The following NOTCH4 variants were observed in gnomAD, a reference collection of about 807,000 sequenced individuals.
NOTCH4 encodes notch receptor 4.
In NOTCH4, 138 loss-of-function variants were observed where a neutral mutation model predicts 189.0. The observed-to-expected ratio is 0.73, with a 90% CI of 0.64 to 0.84. The LOEUF (loss-of-function observed/expected upper bound fraction) is 0.84, where lower values mean the gene tolerates loss of function less well. Ranked by LOEUF, NOTCH4 falls within the 40% of genes least tolerant of loss-of-function variation. The probability of loss-of-function intolerance (pLI) is 0.00; values close to 1 mark genes in which losing one functional copy is unlikely to be tolerated. For missense variants in NOTCH4, 2,286 were observed against 2,605.4 expected, an observed-to-expected ratio of 0.88 and a Z score of 2.67; for synonymous variants, 942 against 1,032.8, an observed-to-expected ratio of 0.91 and a Z score of 1.69.
chr6:32,197,205 C>T, intron 27 of NOTCH4, 94 bp downstream of exon 27: 1 of 1,513,500 alleles, frequency 6.6e-7, no homozygotes, highest in Non-Finnish European at 8.9e-7. Context: ...CCAATCACAC[C>T]AATTTCCTCC....
chr6:32,196,046 T>A lies in NOTCH4; in HGVS notation c.5403A>T (p.Leu1801=). Residue 1801 remains leucine (L), a synonymous_variant, in exon 30 of 30, where the codon CTA becomes CTT. Transcript: ENST00000375023. ...GTTGGTGAGCGACGTCCGCCGGCGC[T>A]AGCCCAGCCTGGTCCCGCAGCTCTC... ...AARELRDQAG[L]APADVAHQRN... 6.3e-7 allele frequency: 1 copy of A among 1,594,738 alleles called. No homozygotes were observed. The highest frequency in any genetic ancestry group is 8.5e-7 in the Non-Finnish European group (1 of 1,177,304).
At chr6:32,219,065 G>A (rs1467504294) in intron 8 of NOTCH4, among the ~76,000 whole-genome samples, 5 of 152,162 alleles carry the variant, frequency 3.3e-5, no homozygotes, top group African/African-American at 7.2e-5. Context: ...CTCTGTTGCT[G>A]TCTCCCTGGG....
chr6:32,200,769 G>A lies in NOTCH4; in HGVS notation c.4315+62C>T. On this transcript the variant is annotated intron_variant, in intron 23 of 29. Transcript: ENST00000375023. This position sits in a 1 kb window ranked among gnomAD's most constrained non-coding sequence, Gnocchi z 5.0. The stretch of plus-strand genomic sequence containing the variant: ...CTGTTTGATTCAGCCTCCATTGCCT[G>A]TTGCTAGCATGAGAGCTGGCCTGGG... 2.1e-6 allele frequency: 3 copies of A among 1,397,864 alleles called. No individual in the cohort carries two copies. Among genetic ancestry groups the A allele is most frequent in the Admixed American group, 2.5e-5 (1 of 39,956 alleles). The allele number at this position is 1,397,864 out of a possible 1,614,324, so 86.6% of individuals were successfully genotyped here.
Position 32,199,669 on chromosome 6 carries a change from A to G in NOTCH4, c.4316-524T>C, listed in dbSNP as rs1174411367. ...CAGTGAGCCGAGATCGCGCCACTGC[A>G]CTCCGGCCTGGGCGACAAGGCAAGA... On this transcript the variant is annotated intron_variant, in intron 23 of 29. Transcript: ENST00000375023. This position sits in a 1 kb window ranked among gnomAD's most constrained non-coding sequence, Gnocchi z 4.9. Among the ~76,000 whole-genome samples, 1 of 151,876 alleles carries G rather than the reference A, an allele frequency of 6.6e-6. No individual in the cohort carries two copies. Among genetic ancestry groups the G allele is most frequent in the Non-Finnish European group, 1.5e-5 (1 of 68,020 alleles).
chr6:32,199,006 AG>A lies in NOTCH4; in HGVS notation c.4454del (p.Pro1485LeufsTer20). 2 of 1,612,246 alleles carry A rather than the reference AG, an allele frequency of 1.2e-6. No homozygotes were observed. The highest frequency in any genetic ancestry group is 1.7e-6 in the Non-Finnish European group (2 of 1,179,590). On this transcript the variant is annotated frameshift_variant, in exon 24 of 30. Coordinates refer to ENST00000375023, the MANE Select transcript of NOTCH4 (RefSeq NM_004557.4). LOFTEE classifies it high-confidence loss of function. The surrounding 1 kb of genome is among the most constrained non-coding windows in gnomAD (Gnocchi z 4.9). ...RREHGALWLP[P>X]GFTRRPRTQS... ...GAGTCCGAGGCCGTCGAGTGAAACC[AG>A]GGGGCAGCCAGAGAGCTCCATGCTC...
Position 32,203,840 on chromosome 6 carries a change from G to T in NOTCH4, c.3161C>A (p.Pro1054His). 1 of 1,562,114 alleles carries T rather than the reference G, an allele frequency of 6.4e-7. No homozygotes were observed. Among genetic ancestry groups the T allele is most frequent in the Non-Finnish European group, 8.7e-7 (1 of 1,152,520 alleles). Reference sequence around the variant, plus strand: ...CTCACAGGTCCCTCCATGAAAGCAGGGTTGGCTGTGGCAGGGGTCTATCTC... The same window carrying T: ...CTCACAGGTCCCTCCATGAAAGCAGTGTTGGCTGTGGCAGGGGTCTATCTC... ...EVEIDPCHSQ[P>H]CFHGGTCEAT... The change falls in exon 20 of 30, where the codon CCC becomes CAC. Residue 1054 changes from proline (P) to histidine (H), a missense_variant. By Grantham distance (77) the Pro-to-His change is moderately conservative. Around this residue, in one of 2 missense-constraint regions of NOTCH4, gnomAD observed 1,903 missense variants for 2,261.9 expected, o/e 0.84. Transcript: ENST00000375023.
intron 18 of NOTCH4, among the ~76,000 whole-genome samples, chr6:32,209,751 C>G (rs962677979): frequency 2.6e-5 from 4 of 151,952 alleles, no homozygotes; most frequent in Non-Finnish European, 5.9e-5. Context: ...GGCGTGGTGG[C>G]GCGTTCCTGT....
In NOTCH4 at chr6:32,195,516, C is replaced by G. The variant is rs750474813; in HGVS notation, c.5933G>C (p.Arg1978Pro). ...PPPCLTPSPE[R>P]GSPQLDCGPP... ...ACCACAGTCAAGTTGAGGTGATCCCCGCTCCGGGGACGGAGTAAGGCAAGG... is the reference window on the plus strand; with the variant it reads ...ACCACAGTCAAGTTGAGGTGATCCCGGCTCCGGGGACGGAGTAAGGCAAGG... Residue 1978 changes from arginine (R) to proline (P), a missense_variant, in exon 30 of 30, where the codon CGG becomes CCG. By Grantham distance (103) the Arg-to-Pro change is moderately radical. Transcript: ENST00000375023. The surrounding 1 kb of genome is among the most constrained non-coding windows in gnomAD (Gnocchi z 5.4). 21 of 1,613,078 alleles carry G rather than the reference C, an allele frequency of 1.3e-5. No individual in the cohort carries two copies. The South Asian group carries it at 2.2e-4, about 17-fold the overall frequency.
At position 32,200,978 on chromosome 6, in the gene NOTCH4, A is replaced by C; in HGVS notation, c.4168T>G (p.Ser1390Ala). Reference protein sequence around the residue: ...GFVVVMGVDLSRCGPDHPASR... With the variant: ...GFVVVMGVDLARCGPDHPASR... ...GCCGGGTGGTCAGGGCCACAGCGGG[A>C]CAAATCCACACCCATGACCACCACA... is the stretch of plus-strand genomic sequence containing the variant. Residue 1390 changes from serine (S) to alanine (A), a missense_variant, in exon 23 of 30, where the codon TCC becomes GCC. Coordinates refer to ENST00000375023, the MANE Select transcript of NOTCH4 (RefSeq NM_004557.4). This position sits in a 1 kb window ranked among gnomAD's most constrained non-coding sequence, Gnocchi z 5.0. The C allele has an allele frequency of 6.3e-7, 1 of 1,586,880 alleles. No homozygotes were observed. The highest frequency in any genetic ancestry group is 1.2e-5 in the South Asian group (1 of 86,332).
In NOTCH4 at chr6:32,201,889, C is replaced by T; in HGVS notation, c.3755+187G>A. Reference sequence around the variant, plus strand: ...CAAAGGCCACGCCCCACATTAAATACTGATGCCACCCCATTACCCTAGGTT... The same window carrying T: ...CAAAGGCCACGCCCCACATTAAATATTGATGCCACCCCATTACCCTAGGTT... On this transcript the variant is annotated intron_variant, in intron 21 of 29. Coordinates refer to ENST00000375023, the MANE Select transcript of NOTCH4 (RefSeq NM_004557.4). The surrounding 1 kb of genome is among the most constrained non-coding windows in gnomAD (Gnocchi z 5.5). 1 of 480,626 alleles carries T rather than the reference C, an allele frequency of 2.1e-6. No individual in the cohort carries two copies. The highest frequency in any genetic ancestry group is 3.4e-5 in the East Asian group (1 of 29,178). The allele number at this position is 480,626 out of a possible 1,614,324, so 29.8% of individuals were successfully genotyped here.
chr6:32,205,461 T>C (rs9267823), intron 18 of NOTCH4, among the ~76,000 whole-genome samples: 39,724 of 144,632 alleles, frequency 0.27, 5,655 homozygotes, highest in Middle Eastern at 0.45. Flanking sequence ...GGCAGGAGAA[T>C]CGCTTGAACC....
intron 7 of NOTCH4, 66 bp from the exon 8 acceptor site, chr6:32,219,852 T>C (rs751206556): frequency 1.2e-4 from 162 of 1,368,870 alleles, no homozygotes; most frequent in Non-Finnish European, 1.5e-4. Context: ...GGTGAGACTG[T>C]CAGGGAAGGT....
rs1377597931 is a variant in NOTCH4, at chr6:32,200,407, C to CA, written c.4315+423dup. Among the ~76,000 whole-genome samples the CA allele has an allele frequency of 2.0e-5, 3 of 152,096 alleles. No individual in the cohort carries two copies. The highest frequency in any genetic ancestry group is 4.4e-5 in the Non-Finnish European group (3 of 68,028). ...TTTATTTTTAGTAGAGACAGGGTTT[C>CA]ACCGCATTAGCCAGGATGGTCTCAA... On this transcript the variant is annotated intron_variant, in intron 23 of 29. Coordinates refer to ENST00000375023, the MANE Select transcript of NOTCH4 (RefSeq NM_004557.4). The surrounding 1 kb of genome is among the most constrained non-coding windows in gnomAD (Gnocchi z 5.0).
At chr6:32,214,041 G>T in intron 13 of NOTCH4, 69 bp downstream of exon 13, 1 of 1,541,484 alleles carries the variant, frequency 6.5e-7, no homozygotes, top group African/African-American at 1.4e-5. Flanking sequence ...AGGGCCCGTG[G>T]TCGCCTGCCT....
chr6:32,208,003 CAAAAAAA>C (rs9279505), intron 18 of NOTCH4, among the ~76,000 whole-genome samples: 45 of 129,866 alleles, frequency 3.5e-4, no homozygotes, highest in African/African-American at 6.4e-4. Flanking sequence ...GACTCCTTCT[CAAAAAAA>C]AAAAAAAAAA....
At position 32,214,233 on chromosome 6, in the gene NOTCH4, C is replaced by A; in HGVS notation, c.2044G>T (p.Gly682Cys). 6.2e-7 allele frequency: 1 copy of A among 1,613,432 alleles called. No individual in the cohort carries two copies. ...CQRSSCVCDV[G>C]WTGPECEAEL... ...GCCTCACACTCTGGCCCCGTCCAAC[C>A]CACGTCACACACACATGAGGATCTG... is the stretch of plus-strand genomic sequence containing the variant. The change falls in exon 13 of 30, where the codon GGT becomes TGT. Residue 682 changes from glycine (G) to cysteine (C), a missense_variant. Transcript: ENST00000375023.
rs752642563 is a variant in NOTCH4, at chr6:32,213,819, A to C, written c.2189T>G (p.Met730Arg). 1.9e-6 allele frequency: 3 copies of C among 1,611,964 alleles called. No individual in the cohort carries two copies. The highest frequency in any genetic ancestry group is 4.5e-5 in the East Asian group (2 of 44,856). The change falls in exon 14 of 30, where the codon ATG becomes AGG. Residue 730 changes from methionine (M) to arginine (R), a missense_variant. Met to Arg is a moderately conservative substitution (Grantham distance 91). This residue lies in a region of NOTCH4 where 1,903 missense variants were observed against 2,261.9 expected (regional missense o/e 0.84). Transcript: ENST00000375023. ...ACATGGCCCTGAGTGACAAGCTGTC[A>C]TCTCCTCACTACAGGTGGGTCCTGA... ...GYTGPTCSEE[M>R]TACHSGPCLN...
rs774439272 is a variant in NOTCH4 at position 32,212,865 on chromosome 6, G to A, written c.2485C>T (p.Arg829Cys). 1.7e-5 allele frequency: 27 copies of A among 1,553,688 alleles called. No individual in the cohort carries two copies. The highest frequency in any genetic ancestry group is 1.5e-4 in the African/African-American group (11 of 73,394). ...GTGTAGCCAGTGGGGCAGAGGCAGC[G>A]GGGACCCTGAGGGCTGTCCTGGCAG... is the stretch of plus-strand genomic sequence containing the variant. ...ATCQDSPQGP[R>C]CLCPTGYTGG... is the part of the protein sequence containing the mutation. The change falls in exon 16 of 30, where the codon CGC (arginine) becomes TGC (cysteine). Residue 829 changes from arginine to cysteine, a missense_variant. By Grantham distance (180) the Arg-to-Cys change is radical. Transcript: ENST00000375023. The surrounding 1 kb of genome is among the most constrained non-coding windows in gnomAD (Gnocchi z 4.4).
chr6:32,196,552 C>G, intron 28 of NOTCH4, 131 bp from the exon 29 acceptor site: 1 of 1,154,778 alleles, frequency 8.7e-7, no homozygotes, highest in Non-Finnish European at 1.2e-6. Flanking sequence ...GAAGCGTTGC[C>G]CAGGAGACCA....
Sources: allele counts gnomAD v4.1 joint callset (sites outside exome capture counted in the v4.1 genomes callset), GRCh38; gene constraint gnomAD v4.1.1; regional missense constraint gnomAD v4.1.1; non-coding constraint Gnocchi (gnomAD v3.1); transcripts MANE v1.5; gene names NCBI Gene and HGNC (gene_info 2026-07-23, HGNC 2026-07-21).